CDKAL1: variants seen among roughly 807,000 people sequenced by gnomAD.
CDKAL1 encodes threonylcarbamoyladenosine tRNA methylthiotransferase.
Under a neutral mutation model 68.2 loss-of-function variants are expected in CDKAL1, and 32 were observed. The ratio of observed to expected loss-of-function variants is 0.47; its 90% CI spans 0.35 to 0.63. The LOEUF (loss-of-function observed/expected upper bound fraction) is 0.63, where lower values mean the gene tolerates loss of function less well. CDKAL1 is among the 30% of genes least tolerant of loss of function. CDKAL1 has a pLI of 0.00. For missense variants in CDKAL1, 606 were observed against 696.7 expected, an observed-to-expected ratio of 0.87 and a Z score of 1.47; for synonymous variants, 234 against 244.3, an observed-to-expected ratio of 0.96 and a Z score of 0.39.
rs529441662 is a variant in CDKAL1, at chr6:21,064,157, C to T, written c.1056-891C>T. Among the ~76,000 whole-genome samples, 10 of 152,258 alleles carry T rather than the reference C, an allele frequency of 6.6e-5. No individual in the cohort carries two copies. The East Asian group carries it at 1.4e-3, about 21-fold the overall frequency. On this transcript the variant is annotated intron_variant, in intron 11 of 15. Coordinates refer to ENST00000274695, the MANE Select transcript of CDKAL1 (RefSeq NM_017774.3). Reference sequence around the variant, plus strand: ...TGGAGTGCTACACACAACCAAATGTCGGTCAGTTGCGTGGCCTAAGACCAC... The same window carrying T: ...TGGAGTGCTACACACAACCAAATGTTGGTCAGTTGCGTGGCCTAAGACCAC...
In CDKAL1 at chr6:20,716,401, A is replaced by T. The variant is rs1217821385; in HGVS notation, c.372-23118A>T. 2.6e-5 allele frequency among the ~76,000 whole-genome samples: 4 copies of T among 152,236 alleles called. No individual in the cohort carries two copies. In the East Asian group the frequency reaches 7.7e-4, roughly 29 times the overall value. On this transcript the variant is annotated intron_variant, in intron 5 of 15. Transcript: ENST00000274695. ...GAAGAGCTGGGGAATGAGATTTTTT[A>T]AAATTATCCTGCTGTTGGACAGAAA...
intron 4 of CDKAL1, among the ~76,000 whole-genome samples, chr6:20,622,410 T>C (rs1215234425): frequency 1.3e-5 from 2 of 152,178 alleles, no homozygotes; most frequent in Admixed American, 6.5e-5. Flanking sequence ...TTGAGAATTA[T>C]ATCTGTTCAC....
intron 5 of CDKAL1, among the ~76,000 whole-genome samples, chr6:20,711,892 T>C (rs1274401727): frequency 6.6e-6 from 1 of 152,220 alleles, no homozygotes; most frequent in Non-Finnish European, 1.5e-5. Context: ...AAAACCATTC[T>C]CAAAAGCTGT....
At chr6:20,620,240 G>A (rs1046417627) in intron 4 of CDKAL1, among the ~76,000 whole-genome samples, 1 of 152,148 alleles carries the variant, frequency 6.6e-6, no homozygotes, top group African/African-American at 2.4e-5. Flanking sequence ...ATCTGGAATA[G>A]TCATAACCAA....
chr6:20,916,080 T>C (rs371068015), intron 9 of CDKAL1, among the ~76,000 whole-genome samples: 74 of 152,252 alleles, frequency 4.9e-4, no homozygotes, highest in African/African-American at 1.7e-3. Flanking sequence ...TTTGGGGTAG[T>C]GATGGAGCAG....
chr6:21,159,625 A>G lies in CDKAL1; in HGVS notation c.1300-38396A>G, dbSNP rs138513300. On this transcript the variant is annotated intron_variant, in intron 13 of 15. Coordinates refer to ENST00000274695, the MANE Select transcript of CDKAL1 (RefSeq NM_017774.3). ...CTCAGTGAAGAGTTATGGGACACTT[A>G]AATGAAGACAGTCAGATCTGTACTA... Among the ~76,000 whole-genome samples the G allele has an allele frequency of 2.2e-3, 328 of 152,358 alleles. 2 individuals are homozygous for G. The highest frequency in any genetic ancestry group is 7.7e-3 in the African/African-American group (319 of 41,592).
intron 13 of CDKAL1, among the ~76,000 whole-genome samples, chr6:21,184,257 C>T (rs571741476): frequency 1.3e-5 from 2 of 150,452 alleles, no homozygotes; most frequent in South Asian, 2.1e-4. Context: ...TGCAATGGCA[C>T]GACCTCGGCT....
chr6:21,198,388 A>G (rs1269282216), intron 14 of CDKAL1, among the ~76,000 whole-genome samples: 2 of 152,224 alleles, frequency 1.3e-5, no homozygotes, highest in African/African-American at 2.4e-5. Context: ...TAGCACTGCC[A>G]GAATTCCCAC....
chr6:20,837,892 A>C (rs1244873499), intron 8 of CDKAL1, among the ~76,000 whole-genome samples: 2 of 151,156 alleles, frequency 1.3e-5, no homozygotes, highest in Non-Finnish European at 3.0e-5. Flanking sequence ...CCAAAACCAA[A>C]CAAACCAGAC....
intron 15 of CDKAL1, among the ~76,000 whole-genome samples, chr6:21,230,198 G>T (rs1045401206): frequency 6.6e-6 from 1 of 152,186 alleles, no homozygotes; most frequent in Non-Finnish European, 1.5e-5. Flanking sequence ...GTCTCACTCT[G>T]TTGCCCAGGC....
intron 8 of CDKAL1, among the ~76,000 whole-genome samples, chr6:20,789,282 G>A (rs1775802557): frequency 6.6e-6 from 1 of 152,104 alleles, no homozygotes; most frequent in Admixed American, 6.5e-5. Context: ...AAATTTTAAA[G>A]TAATATTTAT....
chr6:21,189,158 A>T (rs1778137597), intron 13 of CDKAL1, among the ~76,000 whole-genome samples: 1 of 152,204 alleles, frequency 6.6e-6, no homozygotes, highest in Non-Finnish European at 1.5e-5. Flanking sequence ...AAGCACAAGG[A>T]GATTCTTGTT....
At chr6:20,890,633 T>C (rs780475537) in intron 9 of CDKAL1, among the ~76,000 whole-genome samples, 3 of 152,220 alleles carry the variant, frequency 2.0e-5, no homozygotes, top group Non-Finnish European at 4.4e-5. Flanking sequence ...TTCTTTGACG[T>C]TCGTGGAGTG....
At chr6:20,593,964 G>C (rs1037256296) in intron 4 of CDKAL1, among the ~76,000 whole-genome samples, 1 of 152,214 alleles carries the variant, frequency 6.6e-6, no homozygotes, top group African/African-American at 2.4e-5. Context: ...AGGTTGTTCA[G>C]TTTCCACGTA....
intron 8 of CDKAL1, among the ~76,000 whole-genome samples, chr6:20,808,142 G>A (rs1332415219): frequency 2.0e-5 from 3 of 152,086 alleles, no homozygotes; most frequent in Admixed American, 6.5e-5. Context: ...AATATTAGCA[G>A]ATTAAAATTT....
intron 9 of CDKAL1, among the ~76,000 whole-genome samples, chr6:20,884,307 A>G (rs919708684): frequency 6.6e-6 from 1 of 152,176 alleles, no homozygotes; most frequent in African/African-American, 2.4e-5. Flanking sequence ...AAACAAACAA[A>G]CAAACAAAAA....
At chr6:20,736,493 G>A (rs185512183) in intron 5 of CDKAL1, among the ~76,000 whole-genome samples, 3 of 152,074 alleles carry the variant, frequency 2.0e-5, no homozygotes, top group Admixed American at 6.6e-5. Flanking sequence ...TCTTCCGGCC[G>A]GGGGCGGTGG....
intron 5 of CDKAL1, among the ~76,000 whole-genome samples, chr6:20,707,954 C>T (rs1022776813): frequency 6.6e-6 from 1 of 151,988 alleles, no homozygotes; most frequent in African/African-American, 2.4e-5. Context: ...ACCCATGGAC[C>T]TGTGATCTAA....
intron 13 of CDKAL1, among the ~76,000 whole-genome samples, chr6:21,114,294 T>C (rs1010028076): frequency 2.0e-5 from 3 of 150,472 alleles, no homozygotes; most frequent in African/African-American, 7.3e-5. Context: ...TGAATAAGTG[T>C]TGATAGTTGG....
Sources: gnomAD v4.1 joint callset for allele counts (sites outside exome capture counted in the v4.1 genomes callset) on GRCh38, gnomAD v4.1.1 for gene constraint, MANE v1.5 for transcripts, NCBI Gene and HGNC (gene_info 2026-07-23, HGNC 2026-07-21) for gene names.